Variants in THSD7A observed in about 807,000 individuals in gnomAD.
THSD7A encodes thrombospondin type 1 domain containing 7A, also known as thrombospondin type-1 domain-containing protein 7A.
Under a neutral mutation model 231.3 loss-of-function variants are expected in THSD7A, and 96 were observed. The observed-to-expected ratio is 0.41, with a 90% CI of 0.35 to 0.49. The LOEUF (loss-of-function observed/expected upper bound fraction) is 0.49, where lower values mean the gene tolerates loss of function less well. THSD7A is among the 20% of genes least tolerant of loss of function. The pLI is 0.05. For synonymous variants in THSD7A, 940 were observed against 743.3 expected (o/e 1.26, Z -4.30); for missense variants, 2,290 against 2,070.2 (o/e 1.11, Z -2.06).
chr7:11,526,438 T>A (rs1326733114), intron 6 of THSD7A, among the ~76,000 whole-genome samples: 1 of 152,190 alleles, frequency 6.6e-6, no homozygotes, highest in Admixed American at 6.5e-5. Context: ...ATTGAGCATG[T>A]CTCTAGTCCT....
chr7:11,775,815 G>A (rs747127186), intron 1 of THSD7A, among the ~76,000 whole-genome samples: 3 of 152,076 alleles, frequency 2.0e-5, no homozygotes, highest in Non-Finnish European at 4.4e-5. Context: ...AATAAAAAAT[G>A]GTTAAAGTAG....
At chr7:11,423,178 A>T (rs1784206676) in intron 16 of THSD7A, among the ~76,000 whole-genome samples, 1 of 152,156 alleles carries the variant, frequency 6.6e-6, no homozygotes, top group Admixed American at 6.5e-5. Context: ...CTTTTGAAAA[A>T]AGAAATATAA....
intron 1 of THSD7A, among the ~76,000 whole-genome samples, chr7:11,722,356 G>C (rs1007356864): frequency 6.6e-6 from 1 of 151,860 alleles, no homozygotes; most frequent in Non-Finnish European, 1.5e-5. Flanking sequence ...TACTGTGCCA[G>C]ATGTCACACG....
chr7:11,521,734 G>A (rs992404347), intron 6 of THSD7A, among the ~76,000 whole-genome samples: 4 of 137,916 alleles, frequency 2.9e-5, no homozygotes, highest in Non-Finnish European at 3.0e-5. Flanking sequence ...ATTGTATGAC[G>A]TTTCCTTCAA....
At chr7:11,527,001 A>T (rs1298331044) in intron 6 of THSD7A, among the ~76,000 whole-genome samples, 1 of 152,192 alleles carries the variant, frequency 6.6e-6, no homozygotes, top group Admixed American at 6.5e-5. Context: ...TAGGCAGCAG[A>T]CTGAGAAGTC....
intron 23 of THSD7A, among the ~76,000 whole-genome samples, chr7:11,385,865 C>T (rs1782719831): frequency 6.6e-6 from 1 of 152,054 alleles, no homozygotes; most frequent in African/African-American, 2.4e-5. Context: ...CTATCCCTCC[C>T]CCTTACCTCC....
intron 2 of THSD7A, among the ~76,000 whole-genome samples, chr7:11,628,085 G>A (rs189521605): frequency 1.3e-5 from 2 of 151,888 alleles, no homozygotes; most frequent in African/African-American, 4.8e-5. Flanking sequence ...ATTTTAAAAT[G>A]TATGCAATAT....
At chr7:11,571,027 T>G (rs1426949592) in intron 4 of THSD7A, among the ~76,000 whole-genome samples, 1 of 152,230 alleles carries the variant, frequency 6.6e-6, no homozygotes, top group African/African-American at 2.4e-5. Context: ...CCTTCTTGGC[T>G]GTGATTTTCT....
chr7:11,531,990 G>C (rs1788728880), intron 6 of THSD7A, among the ~76,000 whole-genome samples: 1 of 152,120 alleles, frequency 6.6e-6, no homozygotes, highest in Non-Finnish European at 1.5e-5. Flanking sequence ...TTTGAGACTT[G>C]CTTTGACCCA....
At chr7:11,721,422 C>A (rs150277746) in intron 1 of THSD7A, among the ~76,000 whole-genome samples, 1 of 151,780 alleles carries the variant, frequency 6.6e-6, no homozygotes, top group Non-Finnish European at 1.5e-5. Context: ...TCCTCCTTCT[C>A]TAGCCATGTA....
chr7:11,800,510 T>A (rs949713202), intron 1 of THSD7A, among the ~76,000 whole-genome samples: 1 of 152,070 alleles, frequency 6.6e-6, no homozygotes, highest in African/African-American at 2.4e-5. Context: ...GATTGTGCTG[T>A]TGCACTCTAG....
chr7:11,414,557 G>A (rs997615154), intron 17 of THSD7A, among the ~76,000 whole-genome samples: 1 of 152,158 alleles, frequency 6.6e-6, no homozygotes, highest in Admixed American at 6.5e-5. Context: ...CACCCTGCAG[G>A]CTGCAACCCT....
intron 22 of THSD7A, among the ~76,000 whole-genome samples, chr7:11,402,933 G>C (rs1783455555): frequency 6.6e-6 from 1 of 152,106 alleles, no homozygotes; most frequent in African/African-American, 2.4e-5. Context: ...CAAGTCTTTT[G>C]ATGAACTTAT....
chr7:11,826,586 T>G (rs1389828545), intron 1 of THSD7A, among the ~76,000 whole-genome samples: 2 of 152,016 alleles, frequency 1.3e-5, no homozygotes, highest in Non-Finnish European at 2.9e-5. Flanking sequence ...CCAAGGTGGG[T>G]GGATCACCTG....
chr7:11,433,107 T>G (rs1784529954), intron 13 of THSD7A, among the ~76,000 whole-genome samples: 1 of 152,012 alleles, frequency 6.6e-6, no homozygotes, highest in African/African-American at 2.4e-5. Context: ...TTTTGGAGTA[T>G]CGATAATGAT....
At chr7:11,774,463 G>T (rs975801170) in intron 1 of THSD7A, among the ~76,000 whole-genome samples, 3 of 149,818 alleles carry the variant, frequency 2.0e-5, no homozygotes, top group African/African-American at 7.4e-5. Flanking sequence ...ATGTTAAGGG[G>T]TTAGGTCTCA....
chr7:11,506,268 G>C (rs1213331239), intron 6 of THSD7A, among the ~76,000 whole-genome samples: 1 of 152,160 alleles, frequency 6.6e-6, no homozygotes, highest in Non-Finnish European at 1.5e-5. Context: ...TGGGATTTCA[G>C]GAGTGAGCCG....
At chr7:11,516,739 T>G (rs1259520809) in intron 6 of THSD7A, among the ~76,000 whole-genome samples, 2 of 152,196 alleles carry the variant, frequency 1.3e-5, no homozygotes, top group Non-Finnish European at 1.5e-5. Flanking sequence ...GGATTAAATA[T>G]AAAATGTTAT....
intron 23 of THSD7A, among the ~76,000 whole-genome samples, chr7:11,391,980 G>C (rs1783000872): frequency 6.6e-6 from 1 of 152,068 alleles, no homozygotes; most frequent in Non-Finnish European, 1.5e-5. Context: ...TGGAAATGTA[G>C]AAATCACCCA....
Sources: gnomAD v4.1 joint callset for allele counts (sites outside exome capture counted in the v4.1 genomes callset) on GRCh38, gnomAD v4.1.1 for gene constraint, MANE v1.5 for transcripts, NCBI Gene and HGNC (gene_info 2026-07-23, HGNC 2026-07-21) for gene names.